The following ARID1A variants were observed in gnomAD, a reference collection of about 807,000 sequenced individuals.
The protein encoded by ARID1A is AT-rich interaction domain 1A, also known as AT-rich interactive domain-containing protein 1A.
Under a neutral mutation model 212.6 loss-of-function variants are expected in ARID1A, and 20 were observed. That is an observed-to-expected ratio of 0.09 (90% CI 0.07 to 0.14). The LOEUF (loss-of-function observed/expected upper bound fraction) is 0.14, where lower values mean the gene tolerates loss of function less well. ARID1A is among the 10% of genes least tolerant of loss of function. The pLI is 1.00. For synonymous variants in ARID1A, 1,376 were observed against 1,222.1 expected, an observed-to-expected ratio of 1.13 and a Z score of -2.63; for missense variants, 2,587 against 3,059.0, an observed-to-expected ratio of 0.85 and a Z score of 3.64.
At chr1:26,741,488 A>G (rs1264268797) in intron 4 of ARID1A, among the ~76,000 whole-genome samples, 1 of 152,206 alleles carries the variant, frequency 6.6e-6, no homozygotes, top group Non-Finnish European at 1.5e-5. Context: ...CCGCATGTGT[A>G]TAAGGCAGAT....
At chr1:26,775,833 T>TA (rs1425984942) in intron 19 of ARID1A, 126 bp downstream of exon 19, 1 of 1,437,980 alleles carries the variant, frequency 7.0e-7, no homozygotes. Context: ...TCCATGCCAG[T>TA]ACTTTGCTTC....
intron 4 of ARID1A, among the ~76,000 whole-genome samples, chr1:26,737,711 CAAAATTAGCT>C (rs2080747445): frequency 6.6e-6 from 1 of 151,772 alleles, no homozygotes. Flanking sequence ...ACTAAAAATA[CAAAATTAGCT>C]GGGCATGGTG....
intron 1 of ARID1A, among the ~76,000 whole-genome samples, chr1:26,720,433 ATT>A (rs1491495373): frequency 1.3e-5 from 2 of 151,360 alleles, no homozygotes; most frequent in Non-Finnish European, 2.9e-5. Context: ...AGATGGCGTC[ATT>A]GCACTCCAGC....
At position 26,778,772 on chromosome 1, in the gene ARID1A, A is replaced by T. The variant is rs115683227; in HGVS notation, c.5125-251A>T. The T allele has an allele frequency of 5.0e-3, 1,835 of 367,100 alleles. 6 individuals carry two copies. The highest frequency in any genetic ancestry group is 6.8e-3 in the Non-Finnish European group (1,385 of 203,732). The allele number at this position is 367,100 out of a possible 1,614,324, so 22.7% of individuals were successfully genotyped here. A position where few individuals can be genotyped will look rare whatever the true frequency, so the allele number is the denominator to read the frequency against. ...AAGAGATGATTGGCCCTGGTGGGTG[A>T]GGTGCAAAGCTGTTGGCTAGTGTTC... On this transcript the variant is annotated intron_variant, in intron 19 of 19. Coordinates refer to ENST00000324856, the MANE Select transcript of ARID1A (RefSeq NM_006015.6).
chr1:26,775,231 C>A lies in ARID1A; in HGVS notation c.4993+11C>A, dbSNP rs1178190640. The A allele has an allele frequency of 6.4e-7, 1 of 1,562,450 alleles. No individual in the cohort carries two copies. The highest frequency in any genetic ancestry group is 1.9e-5 in the Admixed American group (1 of 51,652). On this transcript the variant is annotated intron_variant, in intron 18 of 19. Transcript: ENST00000324856. ...CAATGAAAGACATTGGTAAGGAGATCTTCCTCATTCGGTTGCCTAATCTGC... is the reference window on the plus strand; with the variant it reads ...CAATGAAAGACATTGGTAAGGAGATATTCCTCATTCGGTTGCCTAATCTGC...
intron 4 of ARID1A, among the ~76,000 whole-genome samples, chr1:26,747,542 T>C (rs2080849581): frequency 6.6e-6 from 1 of 151,970 alleles, no homozygotes; most frequent in Non-Finnish European, 1.5e-5. Flanking sequence ...AAACCAAATT[T>C]AGACTGAAAG....
chr1:26,762,920 TTAGTGAGTTGC>T (rs2124066971), intron 7 of ARID1A, 42 bp from the exon 8 acceptor site: 1 of 1,453,058 alleles, frequency 6.9e-7, no homozygotes, highest in Admixed American at 2.1e-5. Context: ...TTGAGAGATA[TTAGTGAGTTGC>T]TAGTGAGTGA....
intron 4 of ARID1A, among the ~76,000 whole-genome samples, chr1:26,755,257 T>A (rs1009010425): frequency 6.6e-6 from 1 of 152,260 alleles, no homozygotes; most frequent in African/African-American, 2.4e-5. Flanking sequence ...CCCCTTTCTA[T>A]GCTAACATTT....
In ARID1A at chr1:26,697,345, C is replaced by T. The variant is rs1326149600; in HGVS notation, c.942C>T (p.Gly314=). Reference sequence around the variant, plus strand: ...GGGGCTACCAGGGCTACCCCGGGGGCGACTACAGTGGCGGGCCCCAGGACG... The same window carrying T: ...GGGGCTACCAGGGCTACCCCGGGGGTGACTACAGTGGCGGGCCCCAGGACG... ...SARGYQGYPG[G]DYSGGPQDGG... is the part of the protein sequence containing the mutation. Residue 314 remains glycine (G), a synonymous_variant, in exon 1 of 20, where the codon GGC becomes GGT. Transcript: ENST00000324856. 34 of 1,326,682 alleles carry T rather than the reference C, an allele frequency of 2.6e-5. No individual in the cohort carries two copies. Among genetic ancestry groups the T allele is most frequent in the South Asian group, 6.3e-5 (3 of 47,626 alleles). The allele number at this position is 1,326,682 out of a possible 1,614,324, so 82.2% of individuals were successfully genotyped here.
At chr1:26,723,243 A>G (rs1434814981) in intron 1 of ARID1A, among the ~76,000 whole-genome samples, 5 of 152,184 alleles carry the variant, frequency 3.3e-5, no homozygotes, top group Non-Finnish European at 5.9e-5. Context: ...CCTGAGATCT[A>G]AGTGAGCCAC....
chr1:26,700,373 A>T (rs2080320622), intron 1 of ARID1A, among the ~76,000 whole-genome samples: 1 of 152,220 alleles, frequency 6.6e-6, no homozygotes, highest in African/African-American at 2.4e-5. Context: ...CTCTGCGCTT[A>T]TGAAATAAAG....
At chr1:26,725,759 A>C (rs1272506334) in intron 1 of ARID1A, among the ~76,000 whole-genome samples, 1 of 151,692 alleles carries the variant, frequency 6.6e-6, no homozygotes, top group Non-Finnish European at 1.5e-5. Flanking sequence ...CCTCCGTGTG[A>C]GAGAGGAAAA....
chr1:26,708,526 C>T (rs1208442269), intron 1 of ARID1A, among the ~76,000 whole-genome samples: 1 of 151,456 alleles, frequency 6.6e-6, no homozygotes, highest in East Asian at 1.9e-4. Flanking sequence ...CCTTGTGATC[C>T]ACCTGCCTCG....
In ARID1A at chr1:26,769,153, A is replaced by G. The variant is rs148377803; in HGVS notation, c.3198+1154A>G. 18 of 152,248 alleles carry G rather than the reference A, an allele frequency of 1.2e-4. No homozygotes were observed. The East Asian group carries it at 3.5e-3, about 29-fold the overall frequency. 9.4% of individuals were successfully genotyped at this position (152,248 alleles called of 1,614,324 possible). ...CCATTCTCCCTGATACTCAGATCTC[A>G]TAGTCAAGCCTTCCCTGTCTATAGG... On this transcript the variant is annotated intron_variant, in intron 11 of 19. Coordinates refer to ENST00000324856, the MANE Select transcript of ARID1A (RefSeq NM_006015.6).
chr1:26,752,750 T>C (rs1459655887), intron 4 of ARID1A, among the ~76,000 whole-genome samples: 11 of 152,286 alleles, frequency 7.2e-5, no homozygotes, highest in Admixed American at 6.5e-4. Flanking sequence ...ATTACTAGTG[T>C]AGATTTGGTC....
intron 4 of ARID1A, among the ~76,000 whole-genome samples, chr1:26,747,136 T>C (rs535281586): frequency 6.6e-6 from 1 of 152,348 alleles, no homozygotes; most frequent in East Asian, 1.9e-4. Context: ...GTCTACGACA[T>C]ACTAGAAAGC....
intron 4 of ARID1A, among the ~76,000 whole-genome samples, chr1:26,752,052 C>T (rs929388795): frequency 6.6e-5 from 10 of 152,170 alleles, no homozygotes; most frequent in African/African-American, 1.7e-4. Context: ...TTTTCTAAAC[C>T]TTTCCTGGAG....
rs542882742 is a variant in ARID1A at position 26,771,456 on chromosome 1, A to G, written c.3406+130A>G. 2 of 993,306 alleles carry G rather than the reference A, an allele frequency of 2.0e-6. No individual in the cohort carries two copies. Among genetic ancestry groups the G allele is most frequent in the African/African-American group, 1.6e-5 (1 of 60,968 alleles). The allele number at this position is 993,306 out of a possible 1,614,324, so 61.5% of individuals were successfully genotyped here. A position where few individuals can be genotyped will look rare whatever the true frequency, so the allele number is the denominator to read the frequency against. On this transcript the variant is annotated intron_variant, in intron 12 of 19. Coordinates refer to ENST00000324856, the MANE Select transcript of ARID1A (RefSeq NM_006015.6). This position sits in a 1 kb window ranked among gnomAD's most constrained non-coding sequence, Gnocchi z 5.4. Reference sequence around the variant, plus strand: ...TCTGTGCTCTGCCTTGCCCTACCACAGGGCTTAACAGGTTGGCTGACTAGA... The same window carrying G: ...TCTGTGCTCTGCCTTGCCCTACCACGGGGCTTAACAGGTTGGCTGACTAGA...
At chr1:26,760,278 T>C (rs1225803339) in intron 4 of ARID1A, among the ~76,000 whole-genome samples, 1 of 152,242 alleles carries the variant, frequency 6.6e-6, no homozygotes, top group Admixed American at 6.5e-5. Context: ...ATTGTCTGAC[T>C]ACTGTTGCAC....
Sources: allele counts gnomAD v4.1 joint callset (sites outside exome capture counted in the v4.1 genomes callset), GRCh38; gene constraint gnomAD v4.1.1; non-coding constraint Gnocchi (gnomAD v3.1); transcripts MANE v1.5; gene names NCBI Gene and HGNC (gene_info 2026-07-23, HGNC 2026-07-21).